The following GLRA2 variants were observed in gnomAD, a reference collection of about 807,000 sequenced individuals.
GLRA2 encodes the protein glycine receptor subunit alpha-2.
GLRA2 carries 11 observed loss-of-function variants against 31.6 expected under a neutral mutation model. The observed-to-expected ratio is 0.35, with a 90% CI of 0.22 to 0.58. The LOEUF (loss-of-function observed/expected upper bound fraction) is 0.58, where lower values mean the gene tolerates loss of function less well. Among genes scored for constraint, GLRA2 ranks in the 20% least tolerant of loss-of-function variants. GLRA2 has a pLI of 0.84. For missense variants in GLRA2, 212 were observed against 351.8 expected (o/e 0.60, Z 3.18); for synonymous variants, 132 against 134.0 (o/e 0.99, Z 0.10).
intron 4 of GLRA2, among the ~76,000 whole-genome samples, chrX:14,598,002 T>G (rs1022476311): frequency 2.7e-5 from 3 of 111,497 alleles, no homozygotes; most frequent in Admixed American, 9.6e-5. Flanking sequence ...TCACTTTAAT[T>G]TTTAGTTTGC....
chrX:14,476,581 T>G, the GLRA2 span, among the ~76,000 whole-genome samples: 2,276 of 111,821 alleles, frequency 0.02, 76 homozygotes, highest in African/African-American at 0.07. Flanking sequence ...TCTGATACTA[T>G]TAATCATTTC....
At chrX:14,504,151 A>C in the GLRA2 span, among the ~76,000 whole-genome samples, 2 of 112,096 alleles carry the variant, frequency 1.8e-5, no homozygotes, top group Non-Finnish European at 3.8e-5. Context: ...CTCCCTATTC[A>C]CAAGTTTGGA....
chrX:14,476,463 T>C, the GLRA2 span, among the ~76,000 whole-genome samples: 1 of 111,834 alleles, frequency 8.9e-6, no homozygotes, highest in Admixed American at 9.5e-5. Context: ...CCTCCGTTTC[T>C]TCAGAATGTG....
At chrX:14,619,465 T>A (rs2090491755) in intron 7 of GLRA2, among the ~76,000 whole-genome samples, 1 of 111,225 alleles carries the variant, frequency 9.0e-6, no homozygotes, top group South Asian at 3.8e-4. Flanking sequence ...TCAGGCACAC[T>A]GACCTTCTTG....
intron 8 of GLRA2, among the ~76,000 whole-genome samples, chrX:14,708,890 C>T (rs996121711): frequency 1.8e-5 from 2 of 110,137 alleles, no homozygotes; most frequent in Non-Finnish European, 3.8e-5. Context: ...GAGCCGAGAT[C>T]GCGCCATTGC....
Position 14,730,674 on chromosome X carries a change from C to T in GLRA2, c.*189C>T. ...TATATGGGTGATGAAGAAAACTGCA[C>T]AAAATTAAGGGGTTGCAGAATCACG... On this transcript the variant is annotated 3_prime_UTR_variant, in exon 9 of 9. Coordinates refer to ENST00000218075, the MANE Select transcript of GLRA2 (RefSeq NM_002063.4). The T allele has an allele frequency of 4.7e-6, 2 of 423,822 alleles. No individual in the cohort carries two copies. Among genetic ancestry groups the T allele is most frequent in the Non-Finnish European group, 8.2e-6 (2 of 242,426 alleles). 34.9% of individuals were successfully genotyped at this position (423,822 alleles called of 1,213,427 possible).
chrX:14,716,503 AAG>A (rs1184950389), intron 8 of GLRA2, among the ~76,000 whole-genome samples: 2 of 111,866 alleles, frequency 1.8e-5, no homozygotes, highest in African/African-American at 6.5e-5. Flanking sequence ...ACAATTGGTA[AAG>A]AGAGAGTTAT....
At chrX:14,718,849 A>G (rs1015778509) in intron 8 of GLRA2, among the ~76,000 whole-genome samples, 1 of 111,852 alleles carries the variant, frequency 8.9e-6, no homozygotes, top group African/African-American at 3.3e-5. Flanking sequence ...TAACATTGGA[A>G]GTCATACAGT....
intron 5 of GLRA2, among the ~76,000 whole-genome samples, chrX:14,606,513 C>T (rs1219782527): frequency 9.0e-6 from 1 of 111,538 alleles, no homozygotes; most frequent in Non-Finnish European, 1.9e-5. Context: ...GACACTAGCA[C>T]AAATGAATAT....
intron 7 of GLRA2, among the ~76,000 whole-genome samples, chrX:14,637,962 G>A (rs2090728575): frequency 9.0e-6 from 1 of 111,172 alleles, no homozygotes; most frequent in South Asian, 3.8e-4. Flanking sequence ...ATATAAGCAA[G>A]GCTAATACTA....
At chrX:14,494,205 T>C in the GLRA2 span, among the ~76,000 whole-genome samples, 7 of 111,892 alleles carry the variant, frequency 6.3e-5, no homozygotes, top group Non-Finnish European at 1.3e-4. Context: ...AGATAAATCC[T>C]ATTGAGGTGC....
At chrX:14,569,555 C>T (rs2089855594) in intron 2 of GLRA2, among the ~76,000 whole-genome samples, 1 of 108,585 alleles carries the variant, frequency 9.2e-6, no homozygotes, top group African/African-American at 3.4e-5. Context: ...ATCAAAACCA[C>T]AATGATATAC....
intron 4 of GLRA2, among the ~76,000 whole-genome samples, chrX:14,603,221 C>T (rs2090297603): frequency 9.1e-6 from 1 of 109,873 alleles, no homozygotes; most frequent in Non-Finnish European, 1.9e-5. Flanking sequence ...ATTTGTATAT[C>T]TTCTTTTGAG....
intron 7 of GLRA2, among the ~76,000 whole-genome samples, chrX:14,614,714 A>G (rs1378322547): frequency 8.9e-6 from 1 of 112,034 alleles, no homozygotes; most frequent in Non-Finnish European, 1.9e-5. Flanking sequence ...CCCAAATACT[A>G]AAGACAAATG....
chrX:14,708,639 GAA>G (rs1313060387), intron 8 of GLRA2, among the ~76,000 whole-genome samples: 2 of 111,665 alleles, frequency 1.8e-5, no homozygotes, highest in African/African-American at 6.5e-5. Flanking sequence ...ACAGCTGGGA[GAA>G]AAGAGAGACA....
At chrX:14,651,996 C>T (rs1486365596) in intron 7 of GLRA2, among the ~76,000 whole-genome samples, 1 of 111,154 alleles carries the variant, frequency 9.0e-6, no homozygotes, top group Non-Finnish European at 1.9e-5. Flanking sequence ...TACTTGCTCT[C>T]TTTCTCTCCC....
At chrX:14,595,409 A>C (rs1324648894) in intron 4 of GLRA2, among the ~76,000 whole-genome samples, 1 of 111,943 alleles carries the variant, frequency 8.9e-6, no homozygotes, top group African/African-American at 3.2e-5. Flanking sequence ...AACTTTGATT[A>C]GGTGGAAAGT....
At chrX:14,496,760 A>C in the GLRA2 span, among the ~76,000 whole-genome samples, 1 of 111,930 alleles carries the variant, frequency 8.9e-6, no homozygotes, top group African/African-American at 3.2e-5. Flanking sequence ...CATGTCAGTC[A>C]CATCCTCAAA....
chrX:14,510,471 G>A, the GLRA2 span, among the ~76,000 whole-genome samples: 1,255 of 111,535 alleles, frequency 0.011, 47 homozygotes, highest in Admixed American at 0.091. Flanking sequence ...GAGGTATAGA[G>A]CAGGATGAAA....
Sources: gnomAD v4.1 joint callset for allele counts (sites outside exome capture counted in the v4.1 genomes callset) on GRCh38, gnomAD v4.1.1 for gene constraint, MANE v1.5 for transcripts, NCBI Gene and HGNC (gene_info 2026-07-23, HGNC 2026-07-21) for gene names.